LARP6: variants seen among roughly 807,000 people sequenced by gnomAD.
LARP6 encodes la-related protein 6.
In LARP6, 18 loss-of-function variants were observed where a neutral mutation model predicts 32.8. That is an observed-to-expected ratio of 0.55 (90% confidence interval 0.38 to 0.81). The LOEUF is 0.81. Ranked by LOEUF, LARP6 falls within the 40% of genes least tolerant of loss-of-function variation. LARP6 has a pLI of 0.00. For missense variants in LARP6, 598 were observed against 663.1 expected (o/e 0.90, Z 1.08); for synonymous variants, 289 against 267.2 (o/e 1.08, Z -0.80).
rs1174970963 is a variant in LARP6 at position 70,835,614 on chromosome 15, C to T, written c.411+681G>A. ...ACGCATCCCGTTATGCAACAGGCCGCGTAGTGCTTTTCCATTCTAGTAAAT... is the reference window on the plus strand; with the variant it reads ...ACGCATCCCGTTATGCAACAGGCCGTGTAGTGCTTTTCCATTCTAGTAAAT... On this transcript the variant is annotated intron_variant, in intron 2 of 2. Transcript: ENST00000299213. Among the ~76,000 whole-genome samples, 5 of 152,190 alleles carry T rather than the reference C, an allele frequency of 3.3e-5. No homozygotes were observed. The South Asian group carries it at 6.2e-4, about 19-fold the overall frequency.
intron 1 of LARP6, chr15:70,853,655 C>T (rs1262077872): frequency 6.1e-6 from 2 of 325,886 alleles, no homozygotes; most frequent in Non-Finnish European, 1.1e-5. Context: ...CCCCTCAGAT[C>T]CCGGCCGCCA....
intron 1 of LARP6, chr15:70,851,538 C>G: frequency 2.6e-6 from 4 of 1,520,474 alleles, no homozygotes; most frequent in Admixed American, 2.0e-5. Flanking sequence ...AAGGCAGCTG[C>G]CTTCAAGGAT....
chr15:70,832,550 C>T lies in LARP6; in HGVS notation c.978G>A (p.Glu326=). ...AAGACTCATCACCCATGTACTGAAG[C>T]TCCTCGACTCTCTTGTTCAGGGACT... ...LNKSLNKRVE[E]LQYMGDESSA... is the part of the protein sequence containing the mutation. Residue 326 remains glutamate, a synonymous_variant, in exon 3 of 3, where the codon GAG becomes GAA. Transcript: ENST00000299213. 1 of 1,561,352 alleles carries T rather than the reference C, an allele frequency of 6.4e-7. No individual in the cohort carries two copies. Among genetic ancestry groups the T allele is most frequent in the Non-Finnish European group, 8.6e-7 (1 of 1,159,028 alleles).
chr15:70,853,812 C>G (rs933582336), intron 1 of LARP6, 77 bp downstream of exon 1: 43 of 1,063,330 alleles, frequency 4.0e-5, no homozygotes, highest in Admixed American at 1.3e-4. Flanking sequence ...AGTTGTCGCG[C>G]GCAGTCAGCG....
At chr15:70,843,522 A>G (rs1426487689) in intron 1 of LARP6, among the ~76,000 whole-genome samples, 1 of 151,910 alleles carries the variant, frequency 6.6e-6, no homozygotes, top group Admixed American at 6.6e-5. Context: ...GTCATTCTCT[A>G]TTCATGTCTT....
At chr15:70,838,912 CAAAAA>C (rs1555422818) in intron 1 of LARP6, among the ~76,000 whole-genome samples, 1 of 102,902 alleles carries the variant, frequency 9.7e-6, no homozygotes, top group African/African-American at 4.6e-5. Flanking sequence ...CTCAGCCTCA[CAAAAA>C]AAAAAAAAAA....
chr15:70,849,628 G>C (rs2032413167), intron 1 of LARP6: 1 of 152,112 alleles, frequency 6.6e-6, no homozygotes, highest in African/African-American at 2.4e-5. Flanking sequence ...AAGACTAATG[G>C]GCATGTTACA....
chr15:70,853,201 A>G (rs1035725178), intron 1 of LARP6: 3 of 151,006 alleles, frequency 2.0e-5, no homozygotes, highest in Non-Finnish European at 4.4e-5. Flanking sequence ...CAAACTACCC[A>G]AAACCCAGGA....
At chr15:70,833,174 A>G in intron 2 of LARP6, 58 bp from the exon 3 acceptor site, 3 of 1,412,984 alleles carry the variant, frequency 2.1e-6, no homozygotes, top group Non-Finnish European at 3.0e-6. Flanking sequence ...ATCCTTGTGT[A>G]TGCTATAAGC....
rs971002284 is a variant in LARP6 at position 70,850,469 on chromosome 15, G to C, written c.200+3420C>G. On this transcript the variant is annotated intron_variant, in intron 1 of 2. Coordinates refer to ENST00000299213, the MANE Select transcript of LARP6 (RefSeq NM_018357.4). ...AGCAAAATATTAGCAAACTGAATTC[G>C]ACAGCATCTTGAAAGGATCATTCAC... Among the ~76,000 whole-genome samples the C allele has an allele frequency of 1.1e-4, 17 of 152,198 alleles. No homozygotes were observed. In the South Asian group the frequency reaches 2.3e-3, roughly 20 times the overall value.
chr15:70,840,535 C>T (rs533571164), intron 1 of LARP6, among the ~76,000 whole-genome samples: 2 of 151,918 alleles, frequency 1.3e-5, no homozygotes, highest in South Asian at 2.1e-4. Flanking sequence ...AGCGAAACTC[C>T]GTCTCAAACA....
intron 1 of LARP6, among the ~76,000 whole-genome samples, chr15:70,838,922 A>AAAAAAG (rs1567021303): frequency 5.9e-5 from 9 of 151,828 alleles, no homozygotes; most frequent in African/African-American, 1.7e-4. Context: ...CAAAAAAAAA[A>AAAAAAG]AAAAAGAAAA....
rs2032005324 is a variant in LARP6 at position 70,829,674 on chromosome 15, A to T, written c.*2378T>A. On this transcript the variant is annotated 3_prime_UTR_variant, in exon 3 of 3. Coordinates refer to ENST00000299213, the MANE Select transcript of LARP6 (RefSeq NM_018357.4). Reference sequence around the variant, plus strand: ...GAAGAACTGTGAACCAATAAAATAAATGACTTGCTGAAGGTCACAGTTGCT... The same window carrying T: ...GAAGAACTGTGAACCAATAAAATAATTGACTTGCTGAAGGTCACAGTTGCT... 6.6e-6 allele frequency: 1 copy of T among 152,196 alleles called. No individual in the cohort carries two copies. The highest frequency in any genetic ancestry group is 2.1e-4 in the South Asian group (1 of 4,830). The allele number at this position is 152,196 out of a possible 1,614,324, so 9.4% of individuals were successfully genotyped here.
chr15:70,834,590 C>G (rs570679423), intron 2 of LARP6, among the ~76,000 whole-genome samples: 1 of 152,252 alleles, frequency 6.6e-6, no homozygotes, highest in South Asian at 2.1e-4. Context: ...CACTGCCTTA[C>G]TCAGAGGGCT....
intron 2 of LARP6, among the ~76,000 whole-genome samples, chr15:70,833,880 G>T (rs1278462159): frequency 6.6e-6 from 1 of 152,158 alleles, no homozygotes; most frequent in East Asian, 1.9e-4. Context: ...CACTAAGAAT[G>T]GTGAAATAAT....
chr15:70,840,661 G>A (rs539536920), intron 1 of LARP6, among the ~76,000 whole-genome samples: 3 of 152,330 alleles, frequency 2.0e-5, no homozygotes, highest in Admixed American at 6.5e-5. Context: ...ACAGGGGATG[G>A]GGCCGGGTGT....
intron 1 of LARP6, among the ~76,000 whole-genome samples, chr15:70,837,191 T>C (rs2032163152): frequency 6.7e-6 from 1 of 149,464 alleles, no homozygotes; most frequent in Admixed American, 6.9e-5. Context: ...GGCAACAGAG[T>C]GGGACCCCTG....
chr15:70,850,528 G>A (rs1246847471), intron 1 of LARP6, among the ~76,000 whole-genome samples: 1 of 152,214 alleles, frequency 6.6e-6, no homozygotes, highest in African/African-American at 2.4e-5. Context: ...TGGGATGCAT[G>A]CATGGATCTA....
intron 2 of LARP6, 79 bp from the exon 3 acceptor site, chr15:70,833,195 A>G: frequency 1.8e-6 from 2 of 1,137,742 alleles, no homozygotes; most frequent in South Asian, 2.6e-5. Context: ...TCCCTCCCTC[A>G]CTTCCTTATC....
Sources: gnomAD v4.1 joint callset for allele counts (sites outside exome capture counted in the v4.1 genomes callset) on GRCh38, gnomAD v4.1.1 for gene constraint, MANE v1.5 for transcripts, NCBI Gene and HGNC (gene_info 2026-07-23, HGNC 2026-07-21) for gene names.